Variants in LRRC4C observed in about 807,000 individuals in gnomAD.
LRRC4C encodes the protein leucine-rich repeat-containing protein 4C.
Under a neutral mutation model 33.6 loss-of-function variants are expected in LRRC4C, and 5 were observed. The observed-to-expected ratio is 0.15, with a 90% confidence interval of 0.08 to 0.31. The LOEUF (loss-of-function observed/expected upper bound fraction) is 0.31. Ranked by LOEUF, LRRC4C falls within the 10% of genes least tolerant of loss-of-function variation. The probability of loss-of-function intolerance (pLI) is 1.00; values close to 1 mark genes in which losing one functional copy is unlikely to be tolerated. For synonymous variants in LRRC4C, 329 were observed against 302.0 expected (o/e 1.09, Z -0.93); for missense variants, 560 against 796.7 (o/e 0.70, Z 3.58).
chr11:41,112,886 A>G (rs1482858124), intron 1 of LRRC4C, among the ~76,000 whole-genome samples: 1 of 152,072 alleles, frequency 6.6e-6, no homozygotes, highest in East Asian at 1.9e-4. Context: ...CAAAAAACAT[A>G]TATGAGTAGG....
At chr11:40,514,398 C>T (rs1227746185) in intron 3 of LRRC4C, among the ~76,000 whole-genome samples, 1 of 151,990 alleles carries the variant, frequency 6.6e-6, no homozygotes, top group Non-Finnish European at 1.5e-5. Context: ...GCTCTATGGC[C>T]TTGAGCAAGT....
chr11:41,370,669 C>A (rs1952714414), intron 1 of LRRC4C, among the ~76,000 whole-genome samples: 2 of 152,082 alleles, frequency 1.3e-5, no homozygotes, highest in Admixed American at 6.5e-5. Flanking sequence ...TTGGGTATGT[C>A]TTTATCAGCA....
At chr11:40,150,113 TTC>T (rs1052698347) in intron 5 of LRRC4C, among the ~76,000 whole-genome samples, 7 of 152,180 alleles carry the variant, frequency 4.6e-5, no homozygotes, top group Non-Finnish European at 7.3e-5. Flanking sequence ...CATGACTCCA[TTC>T]TCTTTCTTTA....
chr11:40,240,866 T>A (rs775653876), intron 5 of LRRC4C, among the ~76,000 whole-genome samples: 7 of 152,102 alleles, frequency 4.6e-5, no homozygotes, highest in Non-Finnish European at 7.4e-5. Flanking sequence ...AGTTTTAGAA[T>A]GTAATATAGG....
At chr11:40,951,861 T>C (rs1424017745) in intron 1 of LRRC4C, among the ~76,000 whole-genome samples, 1 of 152,020 alleles carries the variant, frequency 6.6e-6, no homozygotes, top group Non-Finnish European at 1.5e-5. Flanking sequence ...GTTTATTCTC[T>C]GTAATCAGTC....
intron 1 of LRRC4C, among the ~76,000 whole-genome samples, chr11:41,108,811 T>C (rs1941662179): frequency 6.6e-6 from 1 of 152,062 alleles, no homozygotes; most frequent in Non-Finnish European, 1.5e-5. Context: ...ATGACTGAAA[T>C]TATTATCTTG....
chr11:40,455,769 C>A (rs1428494142), intron 3 of LRRC4C, among the ~76,000 whole-genome samples: 1 of 152,096 alleles, frequency 6.6e-6, no homozygotes, highest in East Asian at 1.9e-4. Flanking sequence ...GACATTGGTA[C>A]CCTTACCTCA....
chr11:40,213,882 C>T (rs550228228), intron 5 of LRRC4C, among the ~76,000 whole-genome samples: 3 of 151,986 alleles, frequency 2.0e-5, no homozygotes, highest in Non-Finnish European at 4.4e-5. Flanking sequence ...GTCATCCTTA[C>T]TACAAACAAT....
intron 1 of LRRC4C, among the ~76,000 whole-genome samples, chr11:41,230,492 C>T (rs1426311152): frequency 6.6e-6 from 1 of 152,042 alleles, no homozygotes; most frequent in African/African-American, 2.4e-5. Context: ...GCTTAAGCAG[C>T]TATCCTTAAG....
intron 5 of LRRC4C, among the ~76,000 whole-genome samples, chr11:40,236,961 A>G (rs2136059363): frequency 6.6e-6 from 1 of 152,322 alleles, no homozygotes; most frequent in South Asian, 2.1e-4. Context: ...AGCTGAGAAC[A>G]CCATTTACTA....
In LRRC4C at chr11:41,254,504, G is replaced by A. The variant is rs372563562; in HGVS notation, c.-496+204927C>T. On this transcript the variant is annotated intron_variant, in intron 1 of 6. Coordinates refer to ENST00000528697, the MANE Select transcript of LRRC4C (RefSeq NM_001258419.2). ...TCATCTAAAGAGAAATACATCCTTTGTGATATACCCCCAAATCAGAATTGC... is the reference window on the plus strand; with the variant it reads ...TCATCTAAAGAGAAATACATCCTTTATGATATACCCCCAAATCAGAATTGC... Among the ~76,000 whole-genome samples, 36 of 152,136 alleles carry A rather than the reference G, an allele frequency of 2.4e-4. 1 individual carries two copies. Among genetic ancestry groups the A allele is most frequent in the African/African-American group, 8.4e-4 (35 of 41,544 alleles).
intron 3 of LRRC4C, among the ~76,000 whole-genome samples, chr11:40,333,548 C>T (rs893829604): frequency 6.6e-6 from 1 of 151,742 alleles, no homozygotes; most frequent in African/African-American, 2.4e-5. Flanking sequence ...GAAATCCCGT[C>T]TCTACTAAAA....
At chr11:40,722,816 C>A (rs1223874063) in intron 2 of LRRC4C, among the ~76,000 whole-genome samples, 1 of 152,046 alleles carries the variant, frequency 6.6e-6, no homozygotes, top group African/African-American at 2.4e-5. Context: ...GGAAGTGTAA[C>A]AAGATCCAAA....
chr11:41,094,920 C>T (rs887310320), intron 1 of LRRC4C, among the ~76,000 whole-genome samples: 1 of 152,142 alleles, frequency 6.6e-6, no homozygotes, highest in Non-Finnish European at 1.5e-5. Context: ...GACAGAGTTT[C>T]ATGACTTTAA....
At chr11:41,312,015 G>C (rs1324092469) in intron 1 of LRRC4C, among the ~76,000 whole-genome samples, 2 of 152,144 alleles carry the variant, frequency 1.3e-5, no homozygotes, top group African/African-American at 2.4e-5. Context: ...CTCAAAGACC[G>C]ACACGTTTTA....
At chr11:41,034,469 A>ATG (rs1261798599) in intron 1 of LRRC4C, among the ~76,000 whole-genome samples, 23 of 145,754 alleles carry the variant, frequency 1.6e-4, no homozygotes, top group African/African-American at 5.3e-4. Context: ...ATATATATAT[A>ATG]TGTGTGTATA....
chr11:40,335,010 C>G (rs1163855512), intron 3 of LRRC4C, among the ~76,000 whole-genome samples: 2 of 152,028 alleles, frequency 1.3e-5, no homozygotes, highest in African/African-American at 4.8e-5. Context: ...GTATTTATAA[C>G]TTTTAAAATA....
intron 1 of LRRC4C, among the ~76,000 whole-genome samples, chr11:41,266,361 C>T (rs1267756498): frequency 5.3e-5 from 8 of 152,038 alleles, no homozygotes; most frequent in Admixed American, 5.3e-4. Context: ...AAGAAAAACA[C>T]TTTTTTGGCT....
At chr11:41,245,117 G>T (rs138322387) in intron 1 of LRRC4C, among the ~76,000 whole-genome samples, 36 of 152,214 alleles carry the variant, frequency 2.4e-4, no homozygotes, top group Middle Eastern at 3.4e-3. Flanking sequence ...TGTAAAATAA[G>T]AATAAAATTA....
Sources: allele counts gnomAD v4.1 joint callset (sites outside exome capture counted in the v4.1 genomes callset), GRCh38; gene constraint gnomAD v4.1.1; transcripts MANE v1.5; gene names NCBI Gene and HGNC (gene_info 2026-07-23, HGNC 2026-07-21).